The following PDZD2 variants were observed in gnomAD, a reference collection of about 807,000 sequenced individuals.
The protein encoded by PDZD2 is PDZ domain containing 2.
PDZD2 carries 90 observed loss-of-function variants against 220.7 expected under a neutral mutation model. That is an observed-to-expected ratio of 0.41 (90% CI 0.34 to 0.49). The LOEUF is 0.49. PDZD2 is among the 20% of genes least tolerant of loss of function. PDZD2 has a pLI of 0.28. For synonymous variants in PDZD2, 1,375 were observed against 1,450.5 expected (o/e 0.95, Z 1.18); for missense variants, 3,174 against 3,608.5 (o/e 0.88, Z 3.08).
Position 31,900,507 on chromosome 5 carries a change from AG to A in PDZD2, c.477-82645del, listed in dbSNP as rs900100990. Among the ~76,000 whole-genome samples, 306 of 94,102 alleles carry A rather than the reference AG, an allele frequency of 3.3e-3. 1 individual carries two copies. Among genetic ancestry groups the A allele is most frequent in the Non-Finnish European group, 5.8e-3 (197 of 33,912 alleles). 61.7% of individuals were successfully genotyped at this position (94,102 alleles called of 152,430 possible). ...TGCCCGAGGCTAGGTTTTCTTAAGA[AG>A]GGAAAAGGGGTCATGTCAAAGGCTC... On this transcript the variant is annotated intron_variant, in intron 2 of 24. Coordinates refer to ENST00000438447, the MANE Select transcript of PDZD2 (RefSeq NM_178140.4).
At chr5:31,960,674 C>T (rs554876885) in intron 2 of PDZD2, among the ~76,000 whole-genome samples, 105 of 152,292 alleles carry the variant, frequency 6.9e-4, no homozygotes, top group African/African-American at 2.5e-3. Flanking sequence ...TAAGGAAAAC[C>T]TTGCTATCCA....
At chr5:31,935,087 C>CAAAAA (rs57215375) in intron 2 of PDZD2, among the ~76,000 whole-genome samples, 2 of 143,534 alleles carry the variant, frequency 1.4e-5, no homozygotes, top group Non-Finnish European at 3.0e-5. Flanking sequence ...GACCCTGTCT[C>CAAAAA]AAAAAAAAAA....
Position 32,000,069 on chromosome 5 carries a change from CCAGAAAATGGCCCTT to C in PDZD2, c.1122-68_1122-54del. ...TCCCTCCTCACAACCCTCCCTAGCT[CCAGAAAATGGCCCTT>C]CTCAGGCCCAGAATGTCTTGACAAG... On this transcript the variant is annotated intron_variant, in intron 4 of 24. Transcript: ENST00000438447. This position sits in a 1 kb window ranked among gnomAD's most constrained non-coding sequence, Gnocchi z 4.5. 7.0e-7 allele frequency: 1 copy of C among 1,437,956 alleles called. No individual in the cohort carries two copies. Among genetic ancestry groups the C allele is most frequent in the Non-Finnish European group, 9.7e-7 (1 of 1,030,602 alleles). The allele number at this position is 1,437,956 out of a possible 1,614,324, so 89.1% of individuals were successfully genotyped here.
chr5:31,959,253 A>T (rs900260236), intron 2 of PDZD2, among the ~76,000 whole-genome samples: 4 of 145,088 alleles, frequency 2.8e-5, no homozygotes, highest in African/African-American at 5.0e-5. Flanking sequence ...ATATATATTT[A>T]TATATATATA....
chr5:31,781,887 G>A (rs1228453353), intron 1 of PDZD2, among the ~76,000 whole-genome samples: 5 of 152,294 alleles, frequency 3.3e-5, no homozygotes, highest in African/African-American at 1.2e-4. Context: ...ATTTAGGGAA[G>A]GCAGCTGGGC....
chr5:31,981,145 G>T (rs2111856666), intron 2 of PDZD2, among the ~76,000 whole-genome samples: 1 of 152,254 alleles, frequency 6.6e-6, no homozygotes, highest in East Asian at 1.9e-4. Flanking sequence ...CCTGGCGTCT[G>T]TACAGTATCT....
At chr5:31,800,176 A>T (rs1402194940) in intron 2 of PDZD2, among the ~76,000 whole-genome samples, 2 of 152,216 alleles carry the variant, frequency 1.3e-5, no homozygotes, top group East Asian at 3.9e-4. Context: ...TTCAGTGATT[A>T]ACTAGGACTC....
chr5:31,645,817 G>T (rs568050050), intron 1 of PDZD2, among the ~76,000 whole-genome samples: 3 of 152,150 alleles, frequency 2.0e-5, no homozygotes, highest in Admixed American at 1.3e-4. Context: ...CGTGAGCAGG[G>T]GCACGCTTTG....
intron 2 of PDZD2, among the ~76,000 whole-genome samples, chr5:31,827,035 C>A (rs373464732): frequency 6.6e-6 from 1 of 152,234 alleles, no homozygotes; most frequent in South Asian, 2.1e-4. Flanking sequence ...CAGAAAGGAG[C>A]GTAACCTTCC....
At chr5:31,928,961 A>C (rs1233520672) in intron 2 of PDZD2, among the ~76,000 whole-genome samples, 1 of 152,098 alleles carries the variant, frequency 6.6e-6, no homozygotes, top group South Asian at 2.1e-4. Flanking sequence ...CCATTTACTT[A>C]CTAGAACTTA....
In PDZD2 at chr5:31,799,510, G is replaced by T. The variant is rs1267234643; in HGVS notation, c.262G>T (p.Gly88Trp). Reference protein sequence around the residue: ...GDTETVGLSFGNIPVFGDYGE... With the variant: ...GDTETVGLSFWNIPVFGDYGE... ...CACAGAGACTGTGGGCCTGAGTTTTGGGAACATCCCTGTTTTCGGGGACTA... is the reference window on the plus strand; with the variant it reads ...CACAGAGACTGTGGGCCTGAGTTTTTGGAACATCCCTGTTTTCGGGGACTA... Residue 88 changes from glycine to tryptophan, a missense_variant, in exon 2 of 25, where the codon GGG becomes TGG. By Grantham distance (184) the Gly-to-Trp change is radical. Around this residue, in one of 4 missense-constraint regions of PDZD2, gnomAD observed 632 missense variants for 708.1 expected, o/e 0.89. Coordinates refer to ENST00000438447, the MANE Select transcript of PDZD2 (RefSeq NM_178140.4). 1 of 1,614,192 alleles carries T rather than the reference G, an allele frequency of 6.2e-7. No homozygotes were observed. Among genetic ancestry groups the T allele is most frequent in the East Asian group, 2.2e-5 (1 of 44,868 alleles).
At chr5:31,837,016 A>AAAGAAAGAAAG (rs1756979574) in intron 2 of PDZD2, among the ~76,000 whole-genome samples, 1 of 146,572 alleles carries the variant, frequency 6.8e-6, no homozygotes, top group Admixed American at 6.8e-5. Context: ...AGACTGTCTT[A>AAAGAAAGAAAG]AAAGAAAGAA....
At position 32,074,328 on chromosome 5, in the gene PDZD2, G is replaced by C; in HGVS notation, c.3222G>C (p.Trp1074Cys). The change falls in exon 18 of 25, where the codon TGG becomes TGC. Residue 1074 changes from tryptophan (W) to cysteine (C), a missense_variant. Trp to Cys is a radical substitution (Grantham distance 215). This residue lies in a region of PDZD2 where 1,861 missense variants were observed against 2,001.0 expected (regional missense o/e 0.93). Transcript: ENST00000438447. ...CCAAGGGGAGCCCTGGAAGCTGGTG[G>C]AAGAAGGAACTGTCAGGATCAAGTA... is the stretch of plus-strand genomic sequence containing the variant. Reference protein sequence around the residue: ...EAPKGSPGSWWKKELSGSSSA... With the variant: ...EAPKGSPGSWCKKELSGSSSA... 2 of 1,614,212 alleles carry C rather than the reference G, an allele frequency of 1.2e-6. No homozygotes were observed. Among genetic ancestry groups the C allele is most frequent in the Non-Finnish European group, 1.7e-6 (2 of 1,180,032 alleles).
chr5:31,847,641 T>C, intron 2 of PDZD2: 1 of 618,722 alleles, frequency 1.6e-6, no homozygotes, highest in Non-Finnish European at 3.1e-6. Context: ...TGGTGGTGAC[T>C]GGAGATGAAT....
At chr5:31,908,757 A>G (rs1442163687) in intron 2 of PDZD2, 17 of 946,970 alleles carry the variant, frequency 1.8e-5, no homozygotes, top group Non-Finnish European at 2.4e-5. Context: ...AAAAACGACC[A>G]GTTCTGGCCG....
At chr5:31,930,094 C>T (rs1312912035) in intron 2 of PDZD2, among the ~76,000 whole-genome samples, 4 of 152,038 alleles carry the variant, frequency 2.6e-5, no homozygotes, top group Non-Finnish European at 4.4e-5. Flanking sequence ...TGAGGCCTCC[C>T]GAGAAGCCAG....
intron 2 of PDZD2, among the ~76,000 whole-genome samples, chr5:31,824,049 C>T (rs1407625856): frequency 2.0e-5 from 3 of 152,108 alleles, no homozygotes; most frequent in African/African-American, 2.4e-5. Context: ...ATAGGGAGGG[C>T]GTCTTTCACA....
chr5:32,098,323 G>A lies in PDZD2; in HGVS notation c.7948-41G>A. 1 of 1,595,488 alleles carries A rather than the reference G, an allele frequency of 6.3e-7. No individual in the cohort carries two copies. The highest frequency in any genetic ancestry group is 8.6e-7 in the Non-Finnish European group (1 of 1,168,980). On this transcript the variant is annotated intron_variant, in intron 22 of 24. Coordinates refer to ENST00000438447, the MANE Select transcript of PDZD2 (RefSeq NM_178140.4). The surrounding 1 kb of genome is among the most constrained non-coding windows in gnomAD (Gnocchi z 4.1). The stretch of plus-strand genomic sequence containing the variant: ...ATCTCCCTTTTACCGGAAATCGTAA[G>A]TGGATCTGGTTTTTGTTCCCTTTTC...
At chr5:31,969,376 G>A (rs1247801296) in intron 2 of PDZD2, among the ~76,000 whole-genome samples, 5 of 151,750 alleles carry the variant, frequency 3.3e-5, no homozygotes, top group Admixed American at 3.3e-4. Context: ...TTGCATAGTG[G>A]TGCACACCTG....
Sources: gnomAD v4.1 joint callset for allele counts (sites outside exome capture counted in the v4.1 genomes callset) on GRCh38, gnomAD v4.1.1 for gene constraint, gnomAD v4.1.1 regional missense constraint, Gnocchi (gnomAD v3.1) non-coding constraint, MANE v1.5 for transcripts, NCBI Gene and HGNC (gene_info 2026-07-23, HGNC 2026-07-21) for gene names.